The following MICU3 variants were observed in gnomAD, a reference collection of about 807,000 sequenced individuals.
MICU3 encodes the protein calcium uptake protein 3, mitochondrial.
A neutral mutation model predicts 66.5 loss-of-function variants in MICU3; 62 were observed. The observed-to-expected ratio is 0.93, with a 90% CI of 0.76 to 1.15. MICU3 has a LOEUF of 1.15. Among genes scored for constraint, MICU3 ranks in the 50% most tolerant of loss-of-function variants. The pLI is 0.00. For synonymous variants in MICU3, 308 were observed against 240.7 expected (o/e 1.28, Z -2.59); for missense variants, 779 against 664.4 (o/e 1.17, Z -1.90).
intron 11 of MICU3, among the ~76,000 whole-genome samples, chr8:17,113,546 C>G (rs148719645): frequency 4.6e-5 from 7 of 152,298 alleles, no homozygotes; most frequent in African/African-American, 1.4e-4. Context: ...ATTGCACTTC[C>G]TGCCACTGCC....
chr8:17,125,483 T>C (rs1017713164), downstream of MICU3, among the ~76,000 whole-genome samples: 6 of 152,162 alleles, frequency 3.9e-5, no homozygotes, highest in African/African-American at 1.4e-4. Flanking sequence ...GAAATTTGAA[T>C]CTCTGTGTGG....
At chr8:17,059,657 A>G (rs1218828569) in intron 1 of MICU3, among the ~76,000 whole-genome samples, 1 of 152,220 alleles carries the variant, frequency 6.6e-6, no homozygotes, top group Non-Finnish European at 1.5e-5. Context: ...GATATGAAGC[A>G]AATACACTAA....
At chr8:17,035,366 T>G (rs1198403378) in intron 1 of MICU3, among the ~76,000 whole-genome samples, 2 of 152,186 alleles carry the variant, frequency 1.3e-5, no homozygotes, top group Non-Finnish European at 2.9e-5. Context: ...TGGAACAGTT[T>G]GGAGGGCTTA....
rs898108500 is a variant in MICU3 at position 17,122,118 on chromosome 8, T to C, written c.*1831T>C. On this transcript the variant is annotated 3_prime_UTR_variant, in exon 15 of 15. Coordinates refer to ENST00000318063, the MANE Select transcript of MICU3 (RefSeq NM_181723.3). ...GTCATTTTCCCAAGGAAGAATAGCA[T>C]TGTACATATGCAATCTTTATTTTAT... is the stretch of plus-strand genomic sequence containing the variant. 1.1e-4 allele frequency: 16 copies of C among 151,876 alleles called. No homozygotes were observed. Among genetic ancestry groups the C allele is most frequent in the East Asian group, 1.9e-4 (1 of 5,198 alleles). 9.4% of individuals were successfully genotyped at this position (151,876 alleles called of 1,614,324 possible). A position where few individuals can be genotyped will look rare whatever the true frequency, so the allele number is the denominator to read the frequency against.
At chr8:17,087,684 C>G (rs1466546591) in intron 7 of MICU3, among the ~76,000 whole-genome samples, 98 of 151,936 alleles carry the variant, frequency 6.5e-4, no homozygotes, top group Non-Finnish European at 1.6e-4. Flanking sequence ...TTTAAGCTAC[C>G]CAACAATTCT....
chr8:17,037,681 A>G (rs1283261614), intron 1 of MICU3, among the ~76,000 whole-genome samples: 2 of 152,024 alleles, frequency 1.3e-5, no homozygotes, highest in African/African-American at 4.8e-5. Flanking sequence ...CATCCTCCAG[A>G]CCCCAGAATG....
At chr8:17,130,237 A>G in the MICU3 span, among the ~76,000 whole-genome samples, 1 of 152,174 alleles carries the variant, frequency 6.6e-6, no homozygotes, top group Admixed American at 6.5e-5. Context: ...ATAAAAAGGC[A>G]ATTGAGACTA....
At chr8:17,050,431 T>C (rs1815869014) in intron 1 of MICU3, among the ~76,000 whole-genome samples, 1 of 152,096 alleles carries the variant, frequency 6.6e-6, no homozygotes, top group Non-Finnish European at 1.5e-5. Context: ...TTCATTAAAC[T>C]GATATAATTT....
intron 1 of MICU3, among the ~76,000 whole-genome samples, chr8:17,058,922 G>A (rs1817396851): frequency 6.6e-6 from 1 of 152,146 alleles, no homozygotes; most frequent in Non-Finnish European, 1.5e-5. Context: ...GTGTATGTAG[G>A]CAGAACATGA....
intron 4 of MICU3, among the ~76,000 whole-genome samples, chr8:17,080,654 A>G (rs951315458): frequency 1.3e-5 from 2 of 152,140 alleles, no homozygotes; most frequent in Non-Finnish European, 2.9e-5. Flanking sequence ...GCAATCAACC[A>G]GAACTATCTG....
At chr8:17,129,187 A>G in the MICU3 span, among the ~76,000 whole-genome samples, 1 of 152,190 alleles carries the variant, frequency 6.6e-6, no homozygotes, top group African/African-American at 2.4e-5. Context: ...ACAAAACTCA[A>G]TACCTGCACA....
At position 17,108,459 on chromosome 8, in the gene MICU3, A is replaced by G. The variant is rs553226169; in HGVS notation, c.1257+2875A>G. 1.4e-4 allele frequency among the ~76,000 whole-genome samples: 21 copies of G among 152,288 alleles called. No individual in the cohort carries two copies. The East Asian group carries it at 3.9e-3, about 28-fold the overall frequency. ...TGGTTGCAAACCTGAACTCCTGGTC[A>G]TTCCATAACACTTGTTCTGCAAACC... On this transcript the variant is annotated intron_variant, in intron 11 of 14. Coordinates refer to ENST00000318063, the MANE Select transcript of MICU3 (RefSeq NM_181723.3).
At chr8:17,093,882 T>G (rs1480916379) in intron 8 of MICU3, among the ~76,000 whole-genome samples, 1 of 151,978 alleles carries the variant, frequency 6.6e-6, no homozygotes, top group Admixed American at 6.6e-5. Flanking sequence ...TCAGAAATTT[T>G]CTATAATTAA....
chr8:17,090,039 C>T (rs142083596), intron 7 of MICU3, among the ~76,000 whole-genome samples: 2 of 152,140 alleles, frequency 1.3e-5, no homozygotes, highest in East Asian at 3.9e-4. Flanking sequence ...CCCCTTTAGT[C>T]CTCATGACCG....
rs575207521 is a variant in MICU3 at position 17,033,295 on chromosome 8, G to C, written c.381+5635G>C. 4.6e-5 allele frequency among the ~76,000 whole-genome samples: 7 copies of C among 152,328 alleles called. No homozygotes were observed. In the East Asian group the frequency reaches 7.7e-4, roughly 17 times the overall value. ...GAAAAGTTTTTGAAGGAAATTAAAAGTGCTCTTTGTGAACACACAGATTAT... is the reference window on the plus strand; with the variant it reads ...GAAAAGTTTTTGAAGGAAATTAAAACTGCTCTTTGTGAACACACAGATTAT... On this transcript the variant is annotated intron_variant, in intron 1 of 14. Transcript: ENST00000318063.
intron 7 of MICU3, 67 bp from the exon 8 acceptor site, chr8:17,090,479 T>C (rs1455272149): frequency 2.1e-6 from 3 of 1,409,334 alleles, no homozygotes; most frequent in East Asian, 4.6e-5. Context: ...TTTCCTTTTT[T>C]CTTTTGCTGT....
chr8:17,134,703 C>G, the MICU3 span, among the ~76,000 whole-genome samples: 1 of 152,210 alleles, frequency 6.6e-6, no homozygotes, highest in Admixed American at 6.5e-5. Flanking sequence ...CTTGGCCTCC[C>G]AAATTGCTGG....
At position 17,042,389 on chromosome 8, in the gene MICU3, G is replaced by C. The variant is rs556743918; in HGVS notation, c.381+14729G>C. 9.8e-5 allele frequency among the ~76,000 whole-genome samples: 15 copies of C among 152,290 alleles called. No homozygotes were observed. In the Middle Eastern group the frequency reaches 0.01, roughly 104 times the overall value. On this transcript the variant is annotated intron_variant, in intron 1 of 14. Transcript: ENST00000318063. The stretch of plus-strand genomic sequence containing the variant: ...CACTCCTGTGATAAAGAAAAAATGT[G>C]TTTAAAAAATCAAGCAAGCTCGATT...
chr8:17,057,936 G>A (rs576818256), intron 1 of MICU3, among the ~76,000 whole-genome samples: 4 of 151,704 alleles, frequency 2.6e-5, no homozygotes, highest in South Asian at 4.2e-4. Flanking sequence ...CAGCCTCTAC[G>A]TCTCAGGTTC....
Sources: allele counts gnomAD v4.1 joint callset (sites outside exome capture counted in the v4.1 genomes callset), GRCh38; gene constraint gnomAD v4.1.1; transcripts MANE v1.5; gene names NCBI Gene and HGNC (gene_info 2026-07-23, HGNC 2026-07-21).